LMOD3: variants seen among roughly 807,000 people sequenced by gnomAD.
LMOD3 encodes the protein leiomodin-3.
LMOD3 carries 31 observed loss-of-function variants against 41.8 expected under a neutral mutation model. The ratio of observed to expected loss-of-function variants is 0.74; its 90% CI spans 0.56 to 1.00. The LOEUF (loss-of-function observed/expected upper bound fraction) is 1.00. LMOD3 is among the 50% of genes least tolerant of loss of function. The probability of loss-of-function intolerance (pLI) is 0.00; values close to 1 mark genes in which losing one functional copy is unlikely to be tolerated. For synonymous variants in LMOD3, 292 were observed against 241.9 expected (o/e 1.21, Z -1.92); for missense variants, 755 against 679.5 (o/e 1.11, Z -1.23).
rs114178751 is a variant in LMOD3, at chr3:69,113,084, G to A, written c.1657-3963C>T. 8.8e-3 allele frequency among the ~76,000 whole-genome samples: 1,342 copies of A among 152,224 alleles called. 9 individuals carry two copies. The highest frequency in any genetic ancestry group is 0.044 in the Middle Eastern group (13 of 294). On this transcript the variant is annotated intron_variant, in intron 2 of 2. Coordinates refer to ENST00000420581, the MANE Select transcript of LMOD3 (RefSeq NM_198271.5). ...TCTATGTTTGGCTTTGGCTTTTATA[G>A]ATCATCCTGGTTTCTTTATTGGAGG...
At chr3:69,113,786 G>T (rs1278514201) in intron 2 of LMOD3, among the ~76,000 whole-genome samples, 1 of 152,196 alleles carries the variant, frequency 6.6e-6, no homozygotes, top group Non-Finnish European at 1.5e-5. Context: ...TTTTATCTCA[G>T]TGAAAAGTAC....
At chr3:69,117,416 A>G (rs995489314) in intron 2 of LMOD3, among the ~76,000 whole-genome samples, 2 of 152,232 alleles carry the variant, frequency 1.3e-5, no homozygotes, top group Non-Finnish European at 2.9e-5. Context: ...GAATCTGTGT[A>G]ACAAAATAAT....
chr3:69,114,548 C>A (rs2092362859), intron 2 of LMOD3, among the ~76,000 whole-genome samples: 1 of 152,176 alleles, frequency 6.6e-6, no homozygotes, highest in Non-Finnish European at 1.5e-5. Flanking sequence ...CGCTCTGTCG[C>A]CCAGGCTGGA....
intron 2 of LMOD3, among the ~76,000 whole-genome samples, chr3:69,115,203 C>A (rs1322807718): frequency 6.6e-6 from 1 of 152,052 alleles, no homozygotes; most frequent in Non-Finnish European, 1.5e-5. Context: ...ATTTTTCTGT[C>A]GAGCATGGTG....
At chr3:69,110,227 G>A (rs1056410516) in intron 2 of LMOD3, among the ~76,000 whole-genome samples, 6 of 151,620 alleles carry the variant, frequency 4.0e-5, no homozygotes, top group Non-Finnish European at 8.8e-5. Flanking sequence ...CACCTTGTTA[G>A]GATTTTTATT....
chr3:69,118,434 C>T (rs954719417), intron 2 of LMOD3, among the ~76,000 whole-genome samples: 2 of 152,212 alleles, frequency 1.3e-5, no homozygotes, highest in East Asian at 3.9e-4. Context: ...CATATAACAA[C>T]TCCAGCCTAT....
chr3:69,108,348 A>G lies in LMOD3; in HGVS notation c.*747T>C, dbSNP rs2092332196. ...ATGCTGTCTCCCATTGTCCCTCTAT[A>G]TATGAAAACTTGCTGCCAGGAAGTT... On this transcript the variant is annotated 3_prime_UTR_variant, in exon 3 of 3. Transcript: ENST00000420581. The G allele has an allele frequency of 1.3e-5, 2 of 152,150 alleles. No homozygotes were observed. 9.4% of individuals were successfully genotyped at this position (152,150 alleles called of 1,614,324 possible).
Position 69,122,168 on chromosome 3 carries a change from A to C in LMOD3, c.219T>G (p.Asp73Glu). The C allele has an allele frequency of 6.2e-7, 1 of 1,613,116 alleles. No individual in the cohort carries two copies. The highest frequency in any genetic ancestry group is 8.5e-7 in the Non-Finnish European group (1 of 1,179,556). ...TGGATGCCTTTTCCCAATACATATA[A>C]TCAACAAGAGATTTATGATTGAAGT... ...TGNFNHKSLVDYMYWEKASRR... is the reference protein window; with the variant it reads ...TGNFNHKSLVEYMYWEKASRR... The change falls in exon 1 of 3, where the codon GAT becomes GAG. Residue 73 changes from aspartate to glutamate, a missense_variant. Transcript: ENST00000420581.
In LMOD3 at chr3:69,106,956, C is replaced by G. The variant is rs1046045227; in HGVS notation, c.*2139G>C. The G allele has an allele frequency of 6.6e-6, 1 of 150,488 alleles. No individual in the cohort carries two copies. The highest frequency in any genetic ancestry group is 1.5e-5 in the Non-Finnish European group (1 of 67,770). The allele number at this position is 150,488 out of a possible 1,614,324, so 9.3% of individuals were successfully genotyped here. The stretch of plus-strand genomic sequence containing the variant: ...CTCCTGACCTCATGTGATTCACCCA[C>G]CTCGGCCGCCTACAGTGCTGGGATT... On this transcript the variant is annotated 3_prime_UTR_variant, in exon 3 of 3. Transcript: ENST00000420581.
intron 1 of LMOD3, among the ~76,000 whole-genome samples, chr3:69,121,248 G>A (rs890131725): frequency 2.0e-5 from 3 of 152,172 alleles, no homozygotes; most frequent in Non-Finnish European, 4.4e-5. Flanking sequence ...CAATCCAGCT[G>A]TTTCTTTTCT....
rs2092324233 is a variant in LMOD3 at position 69,106,729 on chromosome 3, G to A, written c.*2366C>T. The stretch of plus-strand genomic sequence containing the variant: ...TTTTTTGAGATGAGGTTTCGCTCTT[G>A]TTGCCCAGGCTGGAGTGCAATGGTG... On this transcript the variant is annotated 3_prime_UTR_variant, in exon 3 of 3. Coordinates refer to ENST00000420581, the MANE Select transcript of LMOD3 (RefSeq NM_198271.5). 7.0e-6 allele frequency: 1 copy of A among 143,710 alleles called. No individual in the cohort carries two copies. Among genetic ancestry groups the A allele is most frequent in the Non-Finnish European group, 1.5e-5 (1 of 66,514 alleles). The allele number at this position is 143,710 out of a possible 1,614,324, so 8.9% of individuals were successfully genotyped here.
intron 2 of LMOD3, among the ~76,000 whole-genome samples, chr3:69,113,980 A>G (rs2092360479): frequency 6.6e-6 from 1 of 152,236 alleles, no homozygotes. Context: ...TCAGTTTGTT[A>G]GATAAGACAA....
At chr3:69,110,828 G>C (rs2092345750) in intron 2 of LMOD3, among the ~76,000 whole-genome samples, 1 of 93,580 alleles carries the variant, frequency 1.1e-5, no homozygotes, top group Non-Finnish European at 1.9e-5. Context: ...GGGCAACAGA[G>C]ACACCATCTC....
chr3:69,117,592 C>T (rs900652694), intron 2 of LMOD3, among the ~76,000 whole-genome samples: 6 of 152,054 alleles, frequency 3.9e-5, no homozygotes, highest in Non-Finnish European at 5.9e-5. Context: ...TTAAGTTGCA[C>T]GGAAAATAAC....
At position 69,120,016 on chromosome 3, in the gene LMOD3, T is replaced by C; in HGVS notation, c.339A>G (p.Lys113=). 9.3e-6 allele frequency: 15 copies of C among 1,604,328 alleles called. No individual in the cohort carries two copies. The highest frequency in any genetic ancestry group is 1.3e-5 in the Non-Finnish European group (15 of 1,176,826). The change falls in exon 2 of 3, where the codon AAA becomes AAG. Residue 113 remains lysine, a synonymous_variant. Coordinates refer to ENST00000420581, the MANE Select transcript of LMOD3 (RefSeq NM_198271.5). ...TTTCTTTTAAATACTGGGCCATATT[T>C]TTATTACGTTTTTCTATTTCTTCAT... The part of the protein sequence containing the change: ...EEHEEIEKRN[K]NMAQYLKEKL...
intron 2 of LMOD3, among the ~76,000 whole-genome samples, chr3:69,111,312 G>T (rs188657703): frequency 9.5e-4 from 145 of 152,272 alleles, no homozygotes; most frequent in Non-Finnish European, 1.3e-3. Flanking sequence ...GACTTCCATG[G>T]CTTCTGACCC....
chr3:69,118,190 A>T (rs893550650), intron 2 of LMOD3, among the ~76,000 whole-genome samples: 2 of 152,112 alleles, frequency 1.3e-5, no homozygotes, highest in Non-Finnish European at 2.9e-5. Context: ...TGTCAGCTCC[A>T]TTGTGGCTGG....
At chr3:69,113,990 A>C (rs1559659355) in intron 2 of LMOD3, among the ~76,000 whole-genome samples, 1 of 152,240 alleles carries the variant, frequency 6.6e-6, no homozygotes, top group Non-Finnish European at 1.5e-5. Context: ...AGATAAGACA[A>C]AGATTTTTAA....
intron 2 of LMOD3, among the ~76,000 whole-genome samples, chr3:69,115,678 C>T (rs539115670): frequency 6.6e-6 from 1 of 152,120 alleles, no homozygotes; most frequent in Admixed American, 6.5e-5. Flanking sequence ...ATCCCCAAAA[C>T]CCTTCATTTC....
Sources: allele counts gnomAD v4.1 joint callset (sites outside exome capture counted in the v4.1 genomes callset), GRCh38; gene constraint gnomAD v4.1.1; transcripts MANE v1.5; gene names NCBI Gene and HGNC (gene_info 2026-07-23, HGNC 2026-07-21).